SLC12A2: variants seen among roughly 807,000 people sequenced by gnomAD.
SLC12A2 encodes Na-K-2Cl cotransporter 1.
Under a neutral mutation model 136.3 loss-of-function variants are expected in SLC12A2, and 67 were observed. The ratio of observed to expected loss-of-function variants is 0.49; its 90% CI spans 0.40 to 0.60. The LOEUF is 0.60. Ranked by LOEUF, SLC12A2 falls within the 20% of genes least tolerant of loss-of-function variation. The pLI, the probability that SLC12A2 is intolerant of heterozygous loss-of-function variation, is 0.00. For synonymous variants in SLC12A2, 619 were observed against 562.9 expected, an observed-to-expected ratio of 1.10 and a Z score of -1.41; for missense variants, 1,322 against 1,534.7, an observed-to-expected ratio of 0.86 and a Z score of 2.32.
At chr5:128,177,062 A>G (rs1763562377) in intron 20 of SLC12A2, 43 bp from the exon 21 acceptor site, 1 of 1,237,236 alleles carries the variant, frequency 8.1e-7, no homozygotes, top group Non-Finnish European at 1.1e-6. Flanking sequence ...TTATTAATAT[A>G]AAGGCAATTA....
At chr5:128,086,831 C>G (rs1760117870) in intron 1 of SLC12A2, among the ~76,000 whole-genome samples, 1 of 152,192 alleles carries the variant, frequency 6.6e-6, no homozygotes, top group African/African-American at 2.4e-5. Flanking sequence ...GCTGGATCCC[C>G]AGAAGTTGTC....
intron 19 of SLC12A2, chr5:128,171,961 G>A (rs1763389013): frequency 2.6e-6 from 1 of 381,122 alleles, no homozygotes; most frequent in African/African-American, 2.1e-5. Flanking sequence ...TATTTGGATT[G>A]AATAAAATTC....
At chr5:128,121,133 C>G (rs1761559426) in intron 4 of SLC12A2, among the ~76,000 whole-genome samples, 1 of 152,028 alleles carries the variant, frequency 6.6e-6, no homozygotes, top group African/African-American at 2.4e-5. Flanking sequence ...AGAGATTAAA[C>G]AGATATCAAT....
At chr5:128,125,928 A>C (rs564352835) in intron 4 of SLC12A2, among the ~76,000 whole-genome samples, 43 of 152,182 alleles carry the variant, frequency 2.8e-4, no homozygotes, top group Non-Finnish European at 5.0e-4. Flanking sequence ...TGAAACAGCT[A>C]TCTGTTTCTT....
At position 128,180,921 on chromosome 5, in the gene SLC12A2, A is replaced by G. The variant is rs770314166; in HGVS notation, c.3139A>G (p.Lys1047Glu). Residue 1047 changes from lysine (K) to glutamate (E), a missense_variant, in exon 23 of 27, where the codon AAA becomes GAA. By Grantham distance (56) the Lys-to-Glu change is moderately conservative (BLOSUM62 1). This residue lies in a region of SLC12A2 where 172 missense variants were observed against 227.4 expected (regional missense o/e 0.76). Coordinates refer to ENST00000262461, the MANE Select transcript of SLC12A2 (RefSeq NM_001046.3). ...LLIPYLLTTK[K>E]KWKDCKIRVF... ...GATACCTTACCTTCTGACGACCAAG[A>G]AAAAATGGAAAGACTGTAAGATCAG... The G allele has an allele frequency of 6.2e-7, 1 of 1,611,952 alleles. No individual in the cohort carries two copies. Among genetic ancestry groups the G allele is most frequent in the Non-Finnish European group, 8.5e-7 (1 of 1,178,192 alleles).
chr5:128,180,055 C>T lies in SLC12A2; in HGVS notation c.3101-828C>T, dbSNP rs145275708. 5.7e-3 allele frequency among the ~76,000 whole-genome samples: 804 copies of T among 141,730 alleles called. 8 individuals are homozygous for T. Among genetic ancestry groups the T allele is most frequent in the Non-Finnish European group, 8.4e-3 (559 of 66,460 alleles). 93.0% of individuals were successfully genotyped at this position (141,730 alleles called of 152,430 possible). ...CGCAATCTCGGCCCACTGAAAGCTC[C>T]GCCTCCCGGGTTCACACCATTCTCC... On this transcript the variant is annotated intron_variant, in intron 22 of 26. Transcript: ENST00000262461.
At chr5:128,132,868 TG>T (rs554554782) in intron 5 of SLC12A2, among the ~76,000 whole-genome samples, 4 of 152,192 alleles carry the variant, frequency 2.6e-5, no homozygotes, top group Non-Finnish European at 5.9e-5. Context: ...GTTTACTCTA[TG>T]AAGTCTTATC....
intron 1 of SLC12A2, among the ~76,000 whole-genome samples, chr5:128,112,100 T>G (rs1413689597): frequency 6.6e-6 from 1 of 152,030 alleles, no homozygotes; most frequent in Non-Finnish European, 1.5e-5. Flanking sequence ...TGTCATATAT[T>G]GGGATAGAAC....
At chr5:128,133,104 T>A (rs1440835358) in intron 5 of SLC12A2, among the ~76,000 whole-genome samples, 3 of 152,044 alleles carry the variant, frequency 2.0e-5, no homozygotes, top group Non-Finnish European at 4.4e-5. Flanking sequence ...ATTTTCCAAA[T>A]GCTATAGGGA....
At chr5:128,125,951 T>C (rs1243634303) in intron 4 of SLC12A2, among the ~76,000 whole-genome samples, 1 of 152,212 alleles carries the variant, frequency 6.6e-6, no homozygotes, top group African/African-American at 2.4e-5. Flanking sequence ...TGAGTTGTTT[T>C]TGATACCATT....
At chr5:128,177,346 A>G (rs1763570139) in intron 21 of SLC12A2, among the ~76,000 whole-genome samples, 194 bp downstream of exon 21, 1 of 152,106 alleles carries the variant, frequency 6.6e-6, no homozygotes, top group Admixed American at 6.6e-5. Flanking sequence ...ATGGAGTTAT[A>G]TCACAAATTC....
intron 1 of SLC12A2, among the ~76,000 whole-genome samples, chr5:128,099,558 T>A (rs1760670153): frequency 6.6e-6 from 1 of 152,226 alleles, no homozygotes; most frequent in South Asian, 2.1e-4. Flanking sequence ...TTATAAACTT[T>A]TAGATTGTTT....
chr5:128,155,471 G>A (rs944287784), intron 15 of SLC12A2, among the ~76,000 whole-genome samples: 1 of 152,060 alleles, frequency 6.6e-6, no homozygotes, highest in Non-Finnish European at 1.5e-5. Flanking sequence ...TTTTAAACAT[G>A]CTGTAACAGC....
chr5:128,182,035 T>TA (rs1214539844), intron 23 of SLC12A2, among the ~76,000 whole-genome samples: 1 of 151,872 alleles, frequency 6.6e-6, no homozygotes, highest in Non-Finnish European at 1.5e-5. Flanking sequence ...TTTATTGTCT[T>TA]ATTTAAGTTT....
intron 1 of SLC12A2, among the ~76,000 whole-genome samples, chr5:128,096,141 T>C (rs904778470): frequency 2.0e-5 from 3 of 152,084 alleles, no homozygotes; most frequent in Admixed American, 1.3e-4. Flanking sequence ...AACTTGTAAG[T>C]GGTAAACACT....
intron 9 of SLC12A2, among the ~76,000 whole-genome samples, chr5:128,140,441 C>CT (rs1762326168): frequency 6.6e-6 from 1 of 152,138 alleles, no homozygotes; most frequent in Non-Finnish European, 1.5e-5. Context: ...TAGCATGCTT[C>CT]TATACATTAT....
chr5:128,157,888 C>T lies in SLC12A2; in HGVS notation c.2364-165C>T. 5.4e-6 allele frequency: 3 copies of T among 552,770 alleles called. No homozygotes were observed. The East Asian group carries it at 9.2e-5, about 17-fold the overall frequency. 34.2% of individuals were successfully genotyped at this position (552,770 alleles called of 1,614,324 possible). A position where few individuals can be genotyped will look rare whatever the true frequency, so the allele number is the denominator to read the frequency against. On this transcript the variant is annotated intron_variant, in intron 15 of 26. Transcript: ENST00000262461. ...GTTCCAAGATTTTGTTTCTGCATTT[C>T]TCATGTACCAAGAAGTCCTGGTTAA...
At position 128,131,115 on chromosome 5, in the gene SLC12A2, G is replaced by C; in HGVS notation, c.1097G>C (p.Gly366Ala). 2 of 1,613,910 alleles carry C rather than the reference G, an allele frequency of 1.2e-6. No individual in the cohort carries two copies. Among genetic ancestry groups the C allele is most frequent in the Non-Finnish European group, 1.7e-6 (2 of 1,179,814 alleles). ...AGAAGTCTAGGGCCAGAATTTGGTG[G>C]TGCAATTGGTCTAATCTTCGCCTTT... is the stretch of plus-strand genomic sequence containing the variant. Reference protein sequence around the residue: ...ISRSLGPEFGGAIGLIFAFAN... With the variant: ...ISRSLGPEFGAAIGLIFAFAN... The change falls in exon 5 of 27, where the codon GGT becomes GCT. Residue 366 changes from glycine to alanine, a missense_variant. Gly to Ala is a moderately conservative substitution (Grantham distance 60). Around this residue, in one of 8 missense-constraint regions of SLC12A2, gnomAD observed 71 missense variants for 131.0 expected, o/e 0.54. Transcript: ENST00000262461.
intron 1 of SLC12A2, among the ~76,000 whole-genome samples, chr5:128,106,039 C>T (rs1760923021): frequency 1.3e-5 from 2 of 152,164 alleles, no homozygotes; most frequent in African/African-American, 4.8e-5. Context: ...TTTATCTCTT[C>T]CTTTCTTCCC....
Sources: allele counts gnomAD v4.1 joint callset (sites outside exome capture counted in the v4.1 genomes callset), GRCh38; gene constraint gnomAD v4.1.1; regional missense constraint gnomAD v4.1.1; transcripts MANE v1.5; gene names NCBI Gene and HGNC (gene_info 2026-07-23, HGNC 2026-07-21).